The following OR4K2 variants were observed in gnomAD, a reference collection of about 807,000 sequenced individuals.
OR4K2 encodes olfactory receptor 4K2.
OR4K2 carries 8 observed loss-of-function variants against 10.5 expected under a neutral mutation model. That is an observed-to-expected ratio of 0.76 (90% CI 0.45 to 1.37). The LOEUF is 1.37. Among genes scored for constraint, OR4K2 ranks in the 40% most tolerant of loss-of-function variants. OR4K2 has a pLI of 0.00. For missense variants in OR4K2, 547 were observed against 379.5 expected (o/e 1.44, Z -3.67); for synonymous variants, 178 against 133.6 (o/e 1.33, Z -2.29).
At position 19,876,390 on chromosome 14, in the gene OR4K2, T is replaced by C; in HGVS notation, c.123T>C (p.Gly41=). 2 of 1,614,082 alleles carry C rather than the reference T, an allele frequency of 1.2e-6. No homozygotes were observed. Among genetic ancestry groups the C allele is most frequent in the East Asian group, 2.2e-5 (1 of 44,890 alleles). ...FSLLYVATMV[G]NSLIVITVIV... is the part of the protein sequence containing the mutation. Reference sequence around the variant, plus strand: ...TGCTTTATGTGGCAACAATGGTGGGTAACAGCCTCATAGTCATCACAGTTA... The same window carrying C: ...TGCTTTATGTGGCAACAATGGTGGGCAACAGCCTCATAGTCATCACAGTTA... Residue 41 remains glycine (G), a synonymous_variant, in exon 2 of 2, where the codon GGT becomes GGC. Transcript: ENST00000641885.
In OR4K2 at chr14:19,878,547, C is replaced by A. The variant is rs1016213264; in HGVS notation, c.*1335C>A. 42 of 152,266 alleles carry A rather than the reference C, an allele frequency of 2.8e-4. No homozygotes were observed. Among genetic ancestry groups the A allele is most frequent in the African/African-American group, 9.4e-4 (39 of 41,574 alleles). 9.4% of individuals were successfully genotyped at this position (152,266 alleles called of 1,614,324 possible). On this transcript the variant is annotated 3_prime_UTR_variant, in exon 2 of 2. Transcript: ENST00000641885. ...TTAAAACAGAAAATCCTTAGATGTTCATATTAAACCAAGTTATAAAAGGAA... is the reference window on the plus strand; with the variant it reads ...TTAAAACAGAAAATCCTTAGATGTTAATATTAAACCAAGTTATAAAAGGAA...
rs1359262087 is a variant in OR4K2 at position 19,880,384 on chromosome 14, A to G, written c.*3172A>G. The G allele has an allele frequency of 6.6e-6, 1 of 152,278 alleles. No individual in the cohort carries two copies. Among genetic ancestry groups the G allele is most frequent in the African/African-American group, 2.4e-5 (1 of 41,472 alleles). The allele number at this position is 152,278 out of a possible 1,614,324, so 9.4% of individuals were successfully genotyped here. A position where few individuals can be genotyped will look rare whatever the true frequency, so the allele number is the denominator to read the frequency against. On this transcript the variant is annotated 3_prime_UTR_variant, in exon 2 of 2. Transcript: ENST00000641885. Reference sequence around the variant, plus strand: ...TCTACACCACAGAGTTATTTGAGGCATAAAAGAAGCAAATAATATGAAGCA... The same window carrying G: ...TCTACACCACAGAGTTATTTGAGGCGTAAAAGAAGCAAATAATATGAAGCA...
rs112302190 is a variant in OR4K2 at position 19,876,983 on chromosome 14, C to T, written c.716C>T (p.Thr239Ile). The T allele has an allele frequency of 6.2e-6, 10 of 1,613,860 alleles. No individual in the cohort carries two copies. Among genetic ancestry groups the T allele is most frequent in the Non-Finnish European group, 8.5e-6 (10 of 1,179,958 alleles). ...SSRGSSKALS[T>I]CTAHFIVVFL... is the part of the protein sequence containing the mutation. ...AGAGGATCATCTAAGGCCCTTTCTA[C>T]TTGTACAGCTCATTTCATTGTTGTC... The change falls in exon 2 of 2, where the codon ACT becomes ATT. Residue 239 changes from threonine to isoleucine, a missense_variant. Transcript: ENST00000641885.
rs796350765 is a variant in OR4K2, at chr14:19,879,816, A to T, written c.*2604A>T. 6.6e-6 allele frequency: 1 copy of T among 152,272 alleles called. No homozygotes were observed. Among genetic ancestry groups the T allele is most frequent in the East Asian group, 1.9e-4 (1 of 5,206 alleles). The allele number at this position is 152,272 out of a possible 1,614,324, so 9.4% of individuals were successfully genotyped here. A position where few individuals can be genotyped will look rare whatever the true frequency, so the allele number is the denominator to read the frequency against. ...ATGGTGGATTTACCATAAAGCTTGT[A>T]AAGCTTAGGTTTTATAACTCCTCCT... On this transcript the variant is annotated 3_prime_UTR_variant, in exon 2 of 2. Coordinates refer to ENST00000641885, the MANE Select transcript of OR4K2 (RefSeq NM_001005501.2).
At position 19,875,300 on chromosome 14, in the gene OR4K2, G is replaced by T. The variant is rs1189568723; in HGVS notation, c.-858G>T. On this transcript the variant is annotated 5_prime_UTR_variant, in exon 1 of 2. Coordinates refer to ENST00000641885, the MANE Select transcript of OR4K2 (RefSeq NM_001005501.2). ...TCTTCTATAGATCTGATAAGTAAAA[G>T]TGTTTTACAAATGAGTTCTACTGAA... is the stretch of plus-strand genomic sequence containing the variant. 1.3e-5 allele frequency: 2 copies of T among 152,248 alleles called. No homozygotes were observed. The highest frequency in any genetic ancestry group is 2.9e-5 in the Non-Finnish European group (2 of 68,052). The allele number at this position is 152,248 out of a possible 1,614,324, so 9.4% of individuals were successfully genotyped here.
chr14:19,876,923 T>C lies in OR4K2; in HGVS notation c.656T>C (p.Val219Ala), dbSNP rs755924414. The C allele has an allele frequency of 6.2e-7, 1 of 1,614,204 alleles. No individual in the cohort carries two copies. The highest frequency in any genetic ancestry group is 8.5e-7 in the Non-Finnish European group (1 of 1,180,014). Residue 219 changes from valine (V) to alanine (A), a missense_variant, in exon 2 of 2, where the codon GTT (valine) becomes GCT (alanine). By Grantham distance (64) the Val-to-Ala change is moderately conservative. Coordinates refer to ENST00000641885, the MANE Select transcript of OR4K2 (RefSeq NM_001005501.2). ...TTTATTGTTTTATTTAATTCATATG[T>C]TATTGTCCTGGTTACTGTGAAGCAT... ...SCFIVLFNSY[V>A]IVLVTVKHHS...
chr14:19,880,608 A>T lies in OR4K2; in HGVS notation c.*3396A>T, dbSNP rs1881013472. On this transcript the variant is annotated 3_prime_UTR_variant, in exon 2 of 2. Transcript: ENST00000641885. ...ATTTGAAAAATTAAAAGTAACTTCC[A>T]CTAGAAAATTACACTGGTTCTTACA... The T allele has an allele frequency of 6.6e-6, 1 of 152,254 alleles. No homozygotes were observed. Among genetic ancestry groups the T allele is most frequent in the Admixed American group, 6.5e-5 (1 of 15,286 alleles). The allele number at this position is 152,254 out of a possible 1,614,324, so 9.4% of individuals were successfully genotyped here.
chr14:19,882,344 A>C lies in OR4K2; in HGVS notation c.*5132A>C, dbSNP rs1881057578. 1 of 149,876 alleles carries C rather than the reference A, an allele frequency of 6.7e-6. No homozygotes were observed. Among genetic ancestry groups the C allele is most frequent in the Non-Finnish European group, 1.5e-5 (1 of 68,024 alleles). The allele number at this position is 149,876 out of a possible 1,614,324, so 9.3% of individuals were successfully genotyped here. ...ACAGAGAAACTTGGCTTCAAAAATC[A>C]ATTTGTAGATTTCAAGATTCTTATG... On this transcript the variant is annotated 3_prime_UTR_variant, in exon 2 of 2. Coordinates refer to ENST00000641885, the MANE Select transcript of OR4K2 (RefSeq NM_001005501.2).
Position 19,881,458 on chromosome 14 carries a change from A to T in OR4K2, c.*4246A>T, listed in dbSNP as rs1460811678. The stretch of plus-strand genomic sequence containing the variant: ...CATGTATTCTGTCTCTATTGTTGCT[A>T]ATATAACTCAATTGACATGTTATTT... On this transcript the variant is annotated 3_prime_UTR_variant, in exon 2 of 2. Coordinates refer to ENST00000641885, the MANE Select transcript of OR4K2 (RefSeq NM_001005501.2). The T allele has an allele frequency of 6.6e-6, 1 of 152,108 alleles. No individual in the cohort carries two copies. The highest frequency in any genetic ancestry group is 2.4e-5 in the African/African-American group (1 of 41,402). The allele number at this position is 152,108 out of a possible 1,614,324, so 9.4% of individuals were successfully genotyped here. A position where few individuals can be genotyped will look rare whatever the true frequency, so the allele number is the denominator to read the frequency against.
rs547091277 is a variant in OR4K2 at position 19,881,818 on chromosome 14, A to G, written c.*4606A>G. On this transcript the variant is annotated 3_prime_UTR_variant, in exon 2 of 2. Coordinates refer to ENST00000641885, the MANE Select transcript of OR4K2 (RefSeq NM_001005501.2). ...CTGTTAAAGAAAATTTAAAGGAGAG[A>G]TTTTTTTTTTTAGTTTGAGACTAGA... The G allele has an allele frequency of 1.8e-4, 27 of 148,210 alleles. No homozygotes were observed. In the South Asian group the frequency reaches 4.7e-3, roughly 26 times the overall value. The allele number at this position is 148,210 out of a possible 1,614,324, so 9.2% of individuals were successfully genotyped here.
Position 19,877,636 on chromosome 14 carries a change from G to T in OR4K2, c.*424G>T, listed in dbSNP as rs944692816. ...AACTCCATACTGCTGTAGGATCTTAGCCTCTGACAGAGAAGCAATGATTTT... is the reference window on the plus strand; with the variant it reads ...AACTCCATACTGCTGTAGGATCTTATCCTCTGACAGAGAAGCAATGATTTT... On this transcript the variant is annotated 3_prime_UTR_variant, in exon 2 of 2. Transcript: ENST00000641885. 1 of 157,726 alleles carries T rather than the reference G, an allele frequency of 6.3e-6. No individual in the cohort carries two copies. The highest frequency in any genetic ancestry group is 2.4e-5 in the African/African-American group (1 of 41,506). The allele number at this position is 157,726 out of a possible 1,614,324, so 9.8% of individuals were successfully genotyped here.
Position 19,876,617 on chromosome 14 carries a change from C to T in OR4K2, c.350C>T (p.Ala117Val). ...FTGTEIILLM[A>V]MSFDRYIAIC... is the part of the protein sequence containing the mutation. Reference sequence around the variant, plus strand: ...GGAACTGAGATCATCTTACTCATGGCCATGTCCTTTGATAGGTATATTGCA... The same window carrying T: ...GGAACTGAGATCATCTTACTCATGGTCATGTCCTTTGATAGGTATATTGCA... The change falls in exon 2 of 2, where the codon GCC becomes GTC. Residue 117 changes from alanine (A) to valine (V), a missense_variant. Physicochemically the swap from Ala to Val is moderately conservative, Grantham distance 64. Transcript: ENST00000641885. 2 of 1,614,152 alleles carry T rather than the reference C, an allele frequency of 1.2e-6. No individual in the cohort carries two copies. The highest frequency in any genetic ancestry group is 1.7e-6 in the Non-Finnish European group (2 of 1,179,986).
rs758365801 is a variant in OR4K2, at chr14:19,877,014, G to C, written c.747G>C (p.Leu249Phe). Residue 249 changes from leucine to phenylalanine, a missense_variant, in exon 2 of 2, where the codon TTG (leucine) becomes TTC (phenylalanine). Leu to Phe is a conservative substitution (Grantham distance 22, BLOSUM62 0). Transcript: ENST00000641885. The part of the protein sequence containing the change: ...TCTAHFIVVF[L>F]FFGPCIFIYM... ...CAGCTCATTTCATTGTTGTCTTCTTGTTCTTTGGGCCATGCATCTTCATCT... is the reference window on the plus strand; with the variant it reads ...CAGCTCATTTCATTGTTGTCTTCTTCTTCTTTGGGCCATGCATCTTCATCT... 20 of 1,613,660 alleles carry C rather than the reference G, an allele frequency of 1.2e-5. No individual in the cohort carries two copies. The highest frequency in any genetic ancestry group is 1.5e-5 in the Non-Finnish European group (18 of 1,179,992).
rs772970835 is a variant in OR4K2, at chr14:19,876,521, A to G, written c.254A>G (p.Tyr85Cys). The change falls in exon 2 of 2, where the codon TAC becomes TGC. Residue 85 changes from tyrosine (Y) to cysteine (C), a missense_variant. Tyr to Cys is a radical substitution (Grantham distance 194). Transcript: ENST00000641885. ...GCCACCCCAAAGATGATTACAGATT[A>G]CCTAACAGGTCACAAAACCATCTCT... Reference protein sequence around the residue: ...SFATPKMITDYLTGHKTISFD... With the variant: ...SFATPKMITDCLTGHKTISFD... The G allele has an allele frequency of 6.8e-6, 11 of 1,614,058 alleles. No individual in the cohort carries two copies. The highest frequency in any genetic ancestry group is 9.3e-6 in the Non-Finnish European group (11 of 1,180,018).
chr14:19,877,534 C>G lies in OR4K2; in HGVS notation c.*322C>G. On this transcript the variant is annotated 3_prime_UTR_variant, in exon 2 of 2. Coordinates refer to ENST00000641885, the MANE Select transcript of OR4K2 (RefSeq NM_001005501.2). ...AGAACTAGGAGATAATGACAATTAC[C>G]CACAGTGAGCAACTGAGTCACTTAG... 4.1e-6 allele frequency: 1 copy of G among 245,750 alleles called. No individual in the cohort carries two copies. Among genetic ancestry groups the G allele is most frequent in the Non-Finnish European group, 8.0e-6 (1 of 125,120 alleles). 15.2% of individuals were successfully genotyped at this position (245,750 alleles called of 1,614,324 possible). A position where few individuals can be genotyped will look rare whatever the true frequency, so the allele number is the denominator to read the frequency against.
Position 19,879,187 on chromosome 14 carries a change from A to C in OR4K2, c.*1975A>C, listed in dbSNP as rs1335997254. 4 of 152,120 alleles carry C rather than the reference A, an allele frequency of 2.6e-5. No individual in the cohort carries two copies. The highest frequency in any genetic ancestry group is 5.9e-5 in the Non-Finnish European group (4 of 68,022). The allele number at this position is 152,120 out of a possible 1,614,324, so 9.4% of individuals were successfully genotyped here. A position where few individuals can be genotyped will look rare whatever the true frequency, so the allele number is the denominator to read the frequency against. On this transcript the variant is annotated 3_prime_UTR_variant, in exon 2 of 2. Coordinates refer to ENST00000641885, the MANE Select transcript of OR4K2 (RefSeq NM_001005501.2). Reference sequence around the variant, plus strand: ...AAAAAGGATTACAGAAAGCCTTTGGAGGGCTTACATATATAAATGGAACTA... The same window carrying C: ...AAAAAGGATTACAGAAAGCCTTTGGCGGGCTTACATATATAAATGGAACTA...
rs1034359746 is a variant in OR4K2, at chr14:19,883,523, A to G, written c.*6311A>G. 1 of 152,156 alleles carries G rather than the reference A, an allele frequency of 6.6e-6. No individual in the cohort carries two copies. The highest frequency in any genetic ancestry group is 1.9e-4 in the East Asian group (1 of 5,194). 9.4% of individuals were successfully genotyped at this position (152,156 alleles called of 1,614,324 possible). A position where few individuals can be genotyped will look rare whatever the true frequency, so the allele number is the denominator to read the frequency against. Reference sequence around the variant, plus strand: ...GTCTGCAAAGCCTGTATTTTTCTTCACTCACCCTAGCATACCATATAATTA... The same window carrying G: ...GTCTGCAAAGCCTGTATTTTTCTTCGCTCACCCTAGCATACCATATAATTA... On this transcript the variant is annotated 3_prime_UTR_variant, in exon 2 of 2. Transcript: ENST00000641885.
At position 19,880,320 on chromosome 14, in the gene OR4K2, C is replaced by T. The variant is rs1245946374; in HGVS notation, c.*3108C>T. 6.6e-6 allele frequency: 1 copy of T among 152,104 alleles called. No individual in the cohort carries two copies. The allele number at this position is 152,104 out of a possible 1,614,324, so 9.4% of individuals were successfully genotyped here. On this transcript the variant is annotated 3_prime_UTR_variant, in exon 2 of 2. Transcript: ENST00000641885. ...AAGCTAAGTACTTAATACCTCTTAG[C>T]CTCAGTTTCTACATATGTTAAAGGA...
chr14:19,880,203 C>A lies in OR4K2; in HGVS notation c.*2991C>A. ...TAAAAGGCTCTGCAGAATCTGAAGT[C>A]TAATGTGTAGTTTTAAAAGTCTTAG... On this transcript the variant is annotated 3_prime_UTR_variant, in exon 2 of 2. Transcript: ENST00000641885. The A allele has an allele frequency of 6.6e-6, 1 of 152,584 alleles. No homozygotes were observed. Among genetic ancestry groups the A allele is most frequent in the South Asian group, 1.9e-4 (1 of 5,206 alleles). The allele number at this position is 152,584 out of a possible 1,614,324, so 9.5% of individuals were successfully genotyped here.
Sources: gnomAD v4.1 joint callset for allele counts on GRCh38, gnomAD v4.1.1 for gene constraint, MANE v1.5 for transcripts, NCBI Gene and HGNC (gene_info 2026-07-23, HGNC 2026-07-21) for gene names.